NR5A2: variants seen among roughly 807,000 people sequenced by gnomAD.
NR5A2 encodes CYP7A promoter-binding factor.
Under a neutral mutation model 62.7 loss-of-function variants are expected in NR5A2, and 26 were observed. That is an observed-to-expected ratio of 0.41 (90% CI 0.30 to 0.58). NR5A2 has a LOEUF of 0.58. Among genes scored for constraint, NR5A2 ranks in the 20% least tolerant of loss-of-function variants. NR5A2 has a pLI of 0.22. For synonymous variants in NR5A2, 246 were observed against 241.7 expected (o/e 1.02, Z -0.16); for missense variants, 541 against 669.1 (o/e 0.81, Z 2.11).
At chr1:200,077,973 A>G (rs559011728) in intron 5 of NR5A2, among the ~76,000 whole-genome samples, 1 of 152,168 alleles carries the variant, frequency 6.6e-6, no homozygotes, top group African/African-American at 2.4e-5. Flanking sequence ...GAAATTTTGC[A>G]TGCAATCCCA....
intron 4 of NR5A2, among the ~76,000 whole-genome samples, chr1:200,046,457 T>C (rs1662367655): frequency 6.6e-6 from 1 of 152,186 alleles, no homozygotes; most frequent in Non-Finnish European, 1.5e-5. Flanking sequence ...CCGATGGTGC[T>C]AGATACAAGA....
At chr1:200,145,259 G>A (rs1667639390) in intron 7 of NR5A2, among the ~76,000 whole-genome samples, 1 of 152,180 alleles carries the variant, frequency 6.6e-6, no homozygotes. Context: ...GCAGTGAGCT[G>A]AGACTGAGAC....
At chr1:200,033,404 A>T (rs1661616533) in intron 1 of NR5A2, among the ~76,000 whole-genome samples, 2 of 148,110 alleles carry the variant, frequency 1.4e-5, no homozygotes, top group African/African-American at 5.0e-5. Context: ...GGTGTCAATT[A>T]AAAAAAAAAG....
At position 200,147,699 on chromosome 1, in the gene NR5A2, G is replaced by C. The variant is rs1403172940; in HGVS notation, c.1379-26264G>C. 2 of 674,112 alleles carry C rather than the reference G, an allele frequency of 3.0e-6. No homozygotes were observed. The highest frequency in any genetic ancestry group is 5.6e-6 in the Non-Finnish European group (2 of 355,616). 41.8% of individuals were successfully genotyped at this position (674,112 alleles called of 1,614,324 possible). On this transcript the variant is annotated intron_variant, in intron 7 of 7. Transcript: ENST00000367362. The surrounding 1 kb of genome is among the most constrained non-coding windows in gnomAD (Gnocchi z 4.9). The stretch of plus-strand genomic sequence containing the variant: ...CATGGGTGGACTTGGGCTCCGAGGC[G>C]ATCTCCTCCAGCTCCTCCCTGAGCG...
chr1:200,073,082 T>G (rs1345253805), intron 5 of NR5A2, among the ~76,000 whole-genome samples: 1 of 151,928 alleles, frequency 6.6e-6, no homozygotes, highest in Admixed American at 6.6e-5. Flanking sequence ...TTAACTTATT[T>G]GGTTACTATT....
intron 6 of NR5A2, among the ~76,000 whole-genome samples, chr1:200,118,984 C>A (rs1021904276): frequency 4.6e-5 from 7 of 152,214 alleles, no homozygotes; most frequent in Non-Finnish European, 1.0e-4. Flanking sequence ...ATGCCAGCAC[C>A]TGGCTAAAGC....
At chr1:200,061,033 T>C (rs1663188598) in intron 5 of NR5A2, among the ~76,000 whole-genome samples, 1 of 148,764 alleles carries the variant, frequency 6.7e-6, no homozygotes, top group Non-Finnish European at 1.5e-5. Context: ...GGCAGGATAA[T>C]TGGTCGAACC....
At position 200,109,059 on chromosome 1, in the gene NR5A2, G is replaced by A. The variant is rs550147340; in HGVS notation, c.1111-2143G>A. 3.9e-5 allele frequency among the ~76,000 whole-genome samples: 6 copies of A among 152,260 alleles called. No individual in the cohort carries two copies. The East Asian group carries it at 7.7e-4, about 20-fold the overall frequency. ...ATACTGTTTGGGTGAACATTCTCCC[G>A]CACCAGAATCATTTTCAAAAAGGCA... On this transcript the variant is annotated intron_variant, in intron 5 of 7. Coordinates refer to ENST00000367362, the MANE Select transcript of NR5A2 (RefSeq NM_205860.3).
intron 5 of NR5A2, among the ~76,000 whole-genome samples, chr1:200,082,201 T>G (rs1252807106): frequency 6.6e-6 from 1 of 152,222 alleles, no homozygotes; most frequent in African/African-American, 2.4e-5. Context: ...AGGAAATTTT[T>G]GTTTTCATTA....
chr1:200,044,214 A>C (rs1249271866), intron 3 of NR5A2: 1 of 176,018 alleles, frequency 5.7e-6, no homozygotes, highest in Admixed American at 6.2e-5. Context: ...ATATATTTAA[A>C]GCATCGTTGT....
At chr1:200,029,499 T>A (rs892790885) in intron 1 of NR5A2, 1 of 153,126 alleles carries the variant, frequency 6.5e-6, no homozygotes, top group Non-Finnish European at 1.5e-5. Flanking sequence ...CGGTACACTC[T>A]GAGCGTAAAC....
chr1:200,112,621 T>A (rs1387615584), intron 6 of NR5A2, among the ~76,000 whole-genome samples: 1 of 152,200 alleles, frequency 6.6e-6, no homozygotes, highest in East Asian at 1.9e-4. Context: ...GCAAATTGGG[T>A]CAATTCAAGC....
At chr1:200,064,433 A>G (rs1365620161) in intron 5 of NR5A2, among the ~76,000 whole-genome samples, 2 of 152,226 alleles carry the variant, frequency 1.3e-5, no homozygotes, top group Non-Finnish European at 2.9e-5. Context: ...CATCACTAGG[A>G]GAGAACAGCT....
chr1:200,101,641 G>T (rs866249328), intron 5 of NR5A2, among the ~76,000 whole-genome samples: 17 of 152,128 alleles, frequency 1.1e-4, no homozygotes, highest in African/African-American at 3.9e-4. Flanking sequence ...GATTCCATAA[G>T]CCACTTTCAA....
At chr1:200,065,839 G>A (rs1433137546) in intron 5 of NR5A2, among the ~76,000 whole-genome samples, 3 of 152,078 alleles carry the variant, frequency 2.0e-5, no homozygotes, top group African/African-American at 7.2e-5. Flanking sequence ...TGGACACACA[G>A]CACTACAGGC....
rs563268600 is a variant in NR5A2, at chr1:200,153,185, A to G, written c.1379-20778A>G. On this transcript the variant is annotated intron_variant, in intron 7 of 7. Transcript: ENST00000367362. ...CCTACTTTAGAGTAGTTGTCCTTAC[A>G]AGAAATGGAAGTCTAAGTAGAGTGG... 2.0e-5 allele frequency among the ~76,000 whole-genome samples: 3 copies of G among 152,360 alleles called. No homozygotes were observed. The South Asian group carries it at 6.2e-4, about 32-fold the overall frequency.
intron 5 of NR5A2, among the ~76,000 whole-genome samples, chr1:200,086,304 C>CT (rs557824577): frequency 1.8e-4 from 27 of 147,374 alleles, no homozygotes; most frequent in African/African-American, 3.5e-4. Context: ...GTTCCGGAAA[C>CT]TTTTTTTTTT....
intron 7 of NR5A2, among the ~76,000 whole-genome samples, chr1:200,127,427 A>G (rs1666753370): frequency 1.3e-5 from 2 of 151,926 alleles, no homozygotes; most frequent in African/African-American, 4.8e-5. Context: ...CTGTAATCCT[A>G]GCACTTTGGG....
intron 7 of NR5A2, among the ~76,000 whole-genome samples, chr1:200,125,938 T>C (rs1301079193): frequency 6.6e-6 from 1 of 152,040 alleles, no homozygotes; most frequent in African/African-American, 2.4e-5. Context: ...AGCTTCTAAC[T>C]CCTAGGCTCA....
Sources: gnomAD v4.1 joint callset for allele counts (sites outside exome capture counted in the v4.1 genomes callset) on GRCh38, gnomAD v4.1.1 for gene constraint, Gnocchi (gnomAD v3.1) non-coding constraint, MANE v1.5 for transcripts, NCBI Gene and HGNC (gene_info 2026-07-23, HGNC 2026-07-21) for gene names.